ADAMTS16: variants seen among roughly 807,000 people sequenced by gnomAD.
The protein encoded by ADAMTS16 is ADAM metallopeptidase with thrombospondin type 1 motif 16, also known as A disintegrin and metalloproteinase with thrombospondin motifs 16.
Under a neutral mutation model 145.8 loss-of-function variants are expected in ADAMTS16, and 94 were observed. The observed-to-expected ratio is 0.64, with a 90% confidence interval of 0.55 to 0.77. The LOEUF (loss-of-function observed/expected upper bound fraction) is 0.77, where lower values mean the gene tolerates loss of function less well. ADAMTS16 is among the 30% of genes least tolerant of loss of function. ADAMTS16 has a pLI of 0.00. For missense variants in ADAMTS16, 1,585 were observed against 1,591.5 expected (o/e 1.00, Z 0.07); for synonymous variants, 659 against 604.3 (o/e 1.09, Z -1.33).
At chr5:5,221,800 T>TG (rs35511507) in intron 10 of ADAMTS16, among the ~76,000 whole-genome samples, 460 of 152,326 alleles carry the variant, frequency 3.0e-3, no homozygotes, top group Middle Eastern at 0.027. Context: ...GGTGGAAATA[T>TG]GGAGTGAGAT....
intron 3 of ADAMTS16, chr5:5,176,149 C>G (rs1560934977): frequency 1.3e-5 from 2 of 152,230 alleles, no homozygotes; most frequent in Non-Finnish European, 2.9e-5. Flanking sequence ...GTTCCTCACT[C>G]ACAGCTGGCT....
At chr5:5,186,347 T>C in intron 5 of ADAMTS16, 96 bp downstream of exon 5, 2 of 1,138,268 alleles carry the variant, frequency 1.8e-6, no homozygotes, top group Non-Finnish European at 2.5e-6. Context: ...TCCATTTTAC[T>C]TGTTACCTGT....
intron 12 of ADAMTS16, among the ~76,000 whole-genome samples, chr5:5,233,145 G>A (rs12520771): frequency 0.15 from 23,361 of 152,018 alleles, 1,831 homozygotes; most frequent in African/African-American, 0.19. Flanking sequence ...TAAGAAAAGT[G>A]TATAGAATAC....
At position 5,239,917 on chromosome 5, in the gene ADAMTS16, A is replaced by G; in HGVS notation, c.2515A>G (p.Ile839Val). ...TACTGGACCAACCAACGAGACACTG[A>G]TTGTGGAGGTAAAGTCCAGCCTCTT... ...IATGPTNETLIVELLFQGRNP... is the reference protein window; with the variant it reads ...IATGPTNETLVVELLFQGRNP... The change falls in exon 16 of 23, where the codon ATT becomes GTT. Residue 839 changes from isoleucine to valine, a missense_variant. This residue lies in a region of ADAMTS16 where 834 missense variants were observed against 811.7 expected (regional missense o/e 1.03). Coordinates refer to ENST00000274181, the MANE Select transcript of ADAMTS16 (RefSeq NM_139056.4). The G allele has an allele frequency of 6.2e-7, 1 of 1,613,640 alleles. No homozygotes were observed. Among genetic ancestry groups the G allele is most frequent in the Non-Finnish European group, 8.5e-7 (1 of 1,179,806 alleles).
chr5:5,262,552 A>G lies in ADAMTS16; in HGVS notation c.2663-105A>G. On this transcript the variant is annotated intron_variant, in intron 17 of 22. Coordinates refer to ENST00000274181, the MANE Select transcript of ADAMTS16 (RefSeq NM_139056.4). ...TTGGTCATTAACACAAACACATGCCAGTATGGCTAAGATTCTTTGAAAGAG... is the reference window on the plus strand; with the variant it reads ...TTGGTCATTAACACAAACACATGCCGGTATGGCTAAGATTCTTTGAAAGAG... 5 of 1,477,096 alleles carry G rather than the reference A, an allele frequency of 3.4e-6. No individual in the cohort carries two copies. In the South Asian group the frequency reaches 5.6e-5, roughly 16 times the overall value. 91.5% of individuals were successfully genotyped at this position (1,477,096 alleles called of 1,614,324 possible). A position where few individuals can be genotyped will look rare whatever the true frequency, so the allele number is the denominator to read the frequency against.
At chr5:5,199,500 A>C (rs1735899664) in intron 8 of ADAMTS16, among the ~76,000 whole-genome samples, 1 of 152,188 alleles carries the variant, frequency 6.6e-6, no homozygotes. Flanking sequence ...CCAAATAGAC[A>C]GACAGATTCA....
intron 18 of ADAMTS16, among the ~76,000 whole-genome samples, chr5:5,284,734 G>A (rs16875231): frequency 0.028 from 4,215 of 152,162 alleles, 77 homozygotes; most frequent in East Asian, 0.066. Flanking sequence ...TGCTTAAGTC[G>A]GTCTTCTTCC....
intron 17 of ADAMTS16, among the ~76,000 whole-genome samples, chr5:5,244,864 A>T (rs756877417): frequency 1.3e-5 from 2 of 152,168 alleles, no homozygotes; most frequent in Non-Finnish European, 2.9e-5. Context: ...TTTCATGGCC[A>T]TTCAGGGTGA....
intron 20 of ADAMTS16, among the ~76,000 whole-genome samples, chr5:5,304,513 G>A (rs915072587): frequency 1.2e-4 from 18 of 152,218 alleles, no homozygotes; most frequent in African/African-American, 4.3e-4. Context: ...ACCCAGAGCT[G>A]TGCCTCTGCA....
chr5:5,202,928 G>C (rs367940196), intron 9 of ADAMTS16, among the ~76,000 whole-genome samples: 1 of 152,148 alleles, frequency 6.6e-6, no homozygotes, highest in Non-Finnish European at 1.5e-5. Context: ...GTTGAAAATA[G>C]AATGCCATCT....
At chr5:5,248,598 T>C (rs980111163) in intron 17 of ADAMTS16, among the ~76,000 whole-genome samples, 2 of 152,254 alleles carry the variant, frequency 1.3e-5, no homozygotes, top group Non-Finnish European at 2.9e-5. Flanking sequence ...TAAGTACTGC[T>C]GAGAAGTTGC....
At position 5,269,878 on chromosome 5, in the gene ADAMTS16, A is replaced by G. The variant is rs980887744; in HGVS notation, c.2789+7095A>G. Among the ~76,000 whole-genome samples, 1 of 152,186 alleles carries G rather than the reference A, an allele frequency of 6.6e-6. No individual in the cohort carries two copies. The highest frequency in any genetic ancestry group is 1.5e-5 in the Non-Finnish European group (1 of 68,036). ...GCTGTCAAGAGCACTGTGTGCTGGA[A>G]GAAAAGGTGCAGTTCAGCAGCAGAG... is the stretch of plus-strand genomic sequence containing the variant. On this transcript the variant is annotated intron_variant, in intron 18 of 22. Transcript: ENST00000274181. This position sits in a 1 kb window ranked among gnomAD's most constrained non-coding sequence, Gnocchi z 4.3.
intron 2 of ADAMTS16, 134 bp downstream of exon 2, chr5:5,140,900 T>C: frequency 1.1e-6 from 1 of 885,394 alleles, no homozygotes. Context: ...TGTGAACTTT[T>C]TTTTTTTTTA....
At chr5:5,298,422 G>C (rs1214772407) in intron 18 of ADAMTS16, among the ~76,000 whole-genome samples, 1 of 152,158 alleles carries the variant, frequency 6.6e-6, no homozygotes, top group Non-Finnish European at 1.5e-5. Flanking sequence ...CTGGCACCAG[G>C]TGATACTGAT....
At chr5:5,268,314 C>T (rs1281440486) in intron 18 of ADAMTS16, among the ~76,000 whole-genome samples, 1 of 152,198 alleles carries the variant, frequency 6.6e-6, no homozygotes, top group African/African-American at 2.4e-5. Flanking sequence ...TCACGTCAGC[C>T]TCCTTCAGGA....
intron 3 of ADAMTS16, among the ~76,000 whole-genome samples, chr5:5,162,053 T>A (rs2126528171): frequency 6.6e-6 from 1 of 152,354 alleles, no homozygotes; most frequent in South Asian, 2.1e-4. Flanking sequence ...TTGGTTGTTA[T>A]GGAGCAAGCC....
chr5:5,274,358 G>A (rs1738600447), intron 18 of ADAMTS16, among the ~76,000 whole-genome samples: 1 of 152,136 alleles, frequency 6.6e-6, no homozygotes, highest in Non-Finnish European at 1.5e-5. Flanking sequence ...TGCTCTGCCT[G>A]TTCATCCTCC....
intron 10 of ADAMTS16, among the ~76,000 whole-genome samples, chr5:5,218,529 C>T (rs1736500171): frequency 6.6e-6 from 1 of 152,222 alleles, no homozygotes; most frequent in Admixed American, 6.5e-5. Flanking sequence ...CCTTCAGCTT[C>T]TCCATCTGTG....
rs928274361 is a variant in ADAMTS16, at chr5:5,318,113, A to G, written c.3412-21A>G. 5 of 1,375,580 alleles carry G rather than the reference A, an allele frequency of 3.6e-6. No homozygotes were observed. The African/African-American group carries it at 4.5e-5, about 12-fold the overall frequency. 85.2% of individuals were successfully genotyped at this position (1,375,580 alleles called of 1,614,324 possible). A position where few individuals can be genotyped will look rare whatever the true frequency, so the allele number is the denominator to read the frequency against. ...CCTGAGAGCCTGGGGCCATGGTGAC[A>G]TGTGTGTGTTGCTCTCACAGTGCAC... On this transcript the variant is annotated intron_variant, in intron 21 of 22. Coordinates refer to ENST00000274181, the MANE Select transcript of ADAMTS16 (RefSeq NM_139056.4).
Sources: gnomAD v4.1 joint callset for allele counts (sites outside exome capture counted in the v4.1 genomes callset) on GRCh38, gnomAD v4.1.1 for gene constraint, gnomAD v4.1.1 regional missense constraint, Gnocchi (gnomAD v3.1) non-coding constraint, MANE v1.5 for transcripts, NCBI Gene and HGNC (gene_info 2026-07-23, HGNC 2026-07-21) for gene names.